The following FRAS1 variants were observed in gnomAD, a reference collection of about 807,000 sequenced individuals.
The protein encoded by FRAS1 is Fraser extracellular matrix complex subunit 1.
FRAS1 carries 290 observed loss-of-function variants against 435.2 expected under a neutral mutation model. The ratio of observed to expected loss-of-function variants is 0.67; its 90% confidence interval spans 0.61 to 0.73. The LOEUF (loss-of-function observed/expected upper bound fraction) is 0.73. Among genes scored for constraint, FRAS1 ranks in the 30% least tolerant of loss-of-function variants. The pLI is 0.00. For missense variants in FRAS1, 4,860 were observed against 5,001.5 expected, an observed-to-expected ratio of 0.97 and a Z score of 0.85; for synonymous variants, 1,800 against 1,851.0, an observed-to-expected ratio of 0.97 and a Z score of 0.71.
chr4:78,252,068 T>C (rs1270500344), intron 4 of FRAS1, among the ~76,000 whole-genome samples: 1 of 152,178 alleles, frequency 6.6e-6, no homozygotes, highest in African/African-American at 2.4e-5. Flanking sequence ...ATATGTGTAT[T>C]TGAATTGGGG....
intron 14 of FRAS1, among the ~76,000 whole-genome samples, 158 bp from the exon 15 acceptor site, chr4:78,307,908 G>T (rs1225895739): frequency 6.6e-6 from 1 of 152,196 alleles, no homozygotes; most frequent in African/African-American, 2.4e-5. Flanking sequence ...GAAGAAGAGG[G>T]TGTTGTGTTT....
chr4:78,181,131 T>C, intron 2 of FRAS1: 1 of 1,576,952 alleles, frequency 6.3e-7, no homozygotes, highest in African/African-American at 1.3e-5. Flanking sequence ...ACAAATCCCT[T>C]CTTCCACTGC....
At chr4:78,477,739 T>C in intron 54 of FRAS1, 76 bp from the exon 55 acceptor site, 1 of 1,535,576 alleles carries the variant, frequency 6.5e-7, no homozygotes, top group South Asian at 1.3e-5. Flanking sequence ...GATGCTCTTT[T>C]CCTATGATGC....
At chr4:78,412,691 T>G (rs1242937093) in intron 31 of FRAS1, among the ~76,000 whole-genome samples, 1 of 152,218 alleles carries the variant, frequency 6.6e-6, no homozygotes, top group Non-Finnish European at 1.5e-5. Context: ...ATATGAATAT[T>G]CACTATTTCT....
At chr4:78,446,921 G>T in intron 43 of FRAS1, 41 bp downstream of exon 43, 1 of 1,555,222 alleles carries the variant, frequency 6.4e-7, no homozygotes, top group Non-Finnish European at 8.7e-7. Flanking sequence ...TAATTGAGAT[G>T]CCCGATGGGC....
At chr4:78,117,937 T>C (rs1718744378) in intron 2 of FRAS1, among the ~76,000 whole-genome samples, 1 of 152,274 alleles carries the variant, frequency 6.6e-6, no homozygotes. Flanking sequence ...TTTTCTGCTC[T>C]GTTTTTTCCC....
At chr4:78,503,379 C>T (rs1720736835) in intron 61 of FRAS1, among the ~76,000 whole-genome samples, 1 of 152,154 alleles carries the variant, frequency 6.6e-6, no homozygotes, top group Non-Finnish European at 1.5e-5. Context: ...TAATTATTGC[C>T]TCAATTTCAG....
At chr4:78,246,767 T>C (rs1361053950) in intron 4 of FRAS1, among the ~76,000 whole-genome samples, 1 of 151,780 alleles carries the variant, frequency 6.6e-6, no homozygotes, top group East Asian at 1.9e-4. Context: ...ACCAGACATA[T>C]CAAATAAGAG....
chr4:78,286,506 G>T lies in FRAS1; in HGVS notation c.1501G>T (p.Asp501Tyr), dbSNP rs1193883404. 1.9e-6 allele frequency: 3 copies of T among 1,613,342 alleles called. No homozygotes were observed. Among genetic ancestry groups the T allele is most frequent in the African/African-American group, 2.7e-5 (2 of 74,928 alleles). The change falls in exon 14 of 74, where the codon GAC becomes TAC. Residue 501 changes from aspartate (D) to tyrosine (Y), a missense_variant. By Grantham distance (160) the Asp-to-Tyr change is radical. Transcript: ENST00000512123. ...CGGGCAGTGTGTGCCTACCTGTGGG[G>T]ACGGCTTCTACCAAGATCGCCATTC... is the stretch of plus-strand genomic sequence containing the variant. ...RHGQCVPTCG[D>Y]GFYQDRHSCA...
chr4:78,294,376 A>G (rs1035968188), intron 14 of FRAS1, among the ~76,000 whole-genome samples: 1 of 152,210 alleles, frequency 6.6e-6, no homozygotes, highest in Non-Finnish European at 1.5e-5. Flanking sequence ...GGGAGGGAAC[A>G]CAGGGAGTCC....
chr4:78,279,440 G>A lies in FRAS1; in HGVS notation c.1071+696G>A, dbSNP rs191784376. On this transcript the variant is annotated intron_variant, in intron 10 of 73. Coordinates refer to ENST00000512123, the MANE Select transcript of FRAS1 (RefSeq NM_025074.7). The stretch of plus-strand genomic sequence containing the variant: ...GCTGCTGCATGGGTGAGTGACAGAA[G>A]GAAATGAGACTGGAGGTAGGCAACC... Among the ~76,000 whole-genome samples the A allele has an allele frequency of 2.2e-3, 332 of 152,308 alleles. 4 individuals carry two copies. Among genetic ancestry groups the A allele is most frequent in the East Asian group, 3.3e-3 (17 of 5,180 alleles).
rs372802938 is a variant in FRAS1, at chr4:78,540,980, C to T, written c.11895C>T (p.Asn3965=). The T allele has an allele frequency of 1.1e-4, 172 of 1,612,968 alleles. No individual in the cohort carries two copies. Among genetic ancestry groups the T allele is most frequent in the South Asian group, 6.6e-5 (6 of 90,994 alleles). ...GGCACCCGGACCGGGTGGAGAAGAACGTGAATAGACACTACTGCACTGTGC... is the reference window on the plus strand; with the variant it reads ...GGCACCCGGACCGGGTGGAGAAGAATGTGAATAGACACTACTGCACTGTGC... ...PKRHPDRVEK[N]VNRHYCTVRN... Residue 3965 remains asparagine, a synonymous_variant, in exon 74 of 74, where the codon AAC becomes AAT. Transcript: ENST00000512123.
rs1578228886 is a variant in FRAS1, at chr4:78,285,864, G to T, written c.1400-541G>T. Among the ~76,000 whole-genome samples the T allele has an allele frequency of 2.0e-5, 3 of 152,320 alleles. No individual in the cohort carries two copies. The Middle Eastern group carries it at 0.01, about 518-fold the overall frequency. Reference sequence around the variant, plus strand: ...CTAGGATACAGTGAAGGATTAATAAGAGTTAGCTGCTTTTATTATTTTTGT... The same window carrying T: ...CTAGGATACAGTGAAGGATTAATAATAGTTAGCTGCTTTTATTATTTTTGT... On this transcript the variant is annotated intron_variant, in intron 13 of 73. Coordinates refer to ENST00000512123, the MANE Select transcript of FRAS1 (RefSeq NM_025074.7).
chr4:78,389,815 A>G (rs35610069), intron 29 of FRAS1, among the ~76,000 whole-genome samples: 21,111 of 152,158 alleles, frequency 0.14, 1,858 homozygotes, highest in African/African-American at 0.25. Flanking sequence ...CTAGGGTTTT[A>G]GCTGCTTTGA....
intron 14 of FRAS1, among the ~76,000 whole-genome samples, chr4:78,290,377 C>G (rs1727828965): frequency 6.6e-6 from 1 of 152,170 alleles, no homozygotes; most frequent in East Asian, 1.9e-4. Context: ...TTATGGGGAG[C>G]CTGGCCCCAG....
At chr4:78,225,408 A>G (rs943675764) in intron 2 of FRAS1, among the ~76,000 whole-genome samples, 1 of 152,188 alleles carries the variant, frequency 6.6e-6, no homozygotes, top group African/African-American at 2.4e-5. Flanking sequence ...CCAGAGGCCC[A>G]GGGAGGCGGT....
intron 2 of FRAS1, among the ~76,000 whole-genome samples, chr4:78,229,306 G>GTT (rs751704490): frequency 1.5e-5 from 2 of 133,692 alleles, no homozygotes; most frequent in Non-Finnish European, 3.3e-5. Flanking sequence ...CTTTGTCCTT[G>GTT]TTTTTTTTTT....
intron 2 of FRAS1, among the ~76,000 whole-genome samples, chr4:78,119,058 T>C (rs941789338): frequency 3.9e-5 from 6 of 152,186 alleles, no homozygotes; most frequent in African/African-American, 1.4e-4. Flanking sequence ...TCTTATCATG[T>C]TCTTTTAAAA....
intron 20 of FRAS1, among the ~76,000 whole-genome samples, chr4:78,357,981 T>C (rs1473290429): frequency 1.3e-5 from 2 of 152,152 alleles, no homozygotes; most frequent in African/African-American, 4.8e-5. Context: ...GTAGGTCTGA[T>C]TTTGATAGCT....
Sources: gnomAD v4.1 joint callset for allele counts (sites outside exome capture counted in the v4.1 genomes callset) on GRCh38, gnomAD v4.1.1 for gene constraint, MANE v1.5 for transcripts, NCBI Gene and HGNC (gene_info 2026-07-23, HGNC 2026-07-21) for gene names.